Variants in SIK3 observed in about 807,000 individuals in gnomAD.
The protein encoded by SIK3 is SIK family kinase 3, also known as serine/threonine-protein kinase SIK3.
In SIK3, 28 loss-of-function variants were observed where a neutral mutation model predicts 144.2. The observed-to-expected ratio is 0.19, with a 90% CI of 0.14 to 0.27. SIK3 has a LOEUF of 0.27. Among genes scored for constraint, SIK3 ranks in the 10% least tolerant of loss-of-function variants. The pLI is 1.00. For synonymous variants in SIK3, 686 were observed against 676.3 expected, an observed-to-expected ratio of 1.01 and a Z score of -0.22; for missense variants, 1,319 against 1,776.0, an observed-to-expected ratio of 0.74 and a Z score of 4.62.
rs865806428 is a variant in SIK3 at position 117,075,547 on chromosome 11, T to C, written c.273+22596A>G. 7.2e-4 allele frequency among the ~76,000 whole-genome samples: 46 copies of C among 63,780 alleles called. No homozygotes were observed. In the African/African-American group the frequency reaches 0.012, roughly 17 times the overall value. The allele number at this position is 63,780 out of a possible 152,430, so 41.8% of individuals were successfully genotyped here. ...CTATGTTATTGATTATTTTTTTTTC[T>C]TTTTTTTTTTTTTTGAGGAATCTCA... On this transcript the variant is annotated intron_variant, in intron 1 of 24. Coordinates refer to ENST00000445177, the MANE Select transcript of SIK3 (RefSeq NM_001366686.3).
chr11:116,928,228 A>G (rs2135140081), intron 3 of SIK3, among the ~76,000 whole-genome samples: 1 of 152,364 alleles, frequency 6.6e-6, no homozygotes, highest in Non-Finnish European at 1.5e-5. Flanking sequence ...TAATAGCAGT[A>G]GGTTTATACC....
chr11:117,019,009 C>G (rs1227629733), intron 1 of SIK3, among the ~76,000 whole-genome samples: 1 of 149,204 alleles, frequency 6.7e-6, no homozygotes, highest in Non-Finnish European at 1.5e-5. Flanking sequence ...CTGCACCTGG[C>G]TTTTATTGTA....
intron 1 of SIK3, among the ~76,000 whole-genome samples, chr11:117,066,534 C>CT (rs34259048): frequency 0.25 from 32,826 of 130,920 alleles, 5,114 homozygotes; most frequent in African/African-American, 0.45. Context: ...AGAAACAATC[C>CT]TTTTTTTTTT....
chr11:116,960,779 T>A (rs1051388623), intron 1 of SIK3, among the ~76,000 whole-genome samples: 8 of 150,886 alleles, frequency 5.3e-5, no homozygotes, highest in Admixed American at 6.6e-5. Flanking sequence ...ATTAATATAA[T>A]GCCTGGCACA....
intron 1 of SIK3, among the ~76,000 whole-genome samples, chr11:117,046,785 TG>T (rs1412685378): frequency 6.6e-6 from 1 of 151,992 alleles, no homozygotes; most frequent in Admixed American, 6.6e-5. Flanking sequence ...GAGGCTGAGG[TG>T]GGAGGATTGC....
intron 3 of SIK3, among the ~76,000 whole-genome samples, chr11:116,940,230 T>C (rs925022168): frequency 6.7e-6 from 1 of 148,872 alleles, no homozygotes; most frequent in Non-Finnish European, 1.5e-5. Context: ...AAGGTTTTTT[T>C]GTTTTTTTTT....
At chr11:116,898,759 T>G (rs1230067055) in intron 4 of SIK3, among the ~76,000 whole-genome samples, 1 of 151,734 alleles carries the variant, frequency 6.6e-6, no homozygotes, top group Non-Finnish European at 1.5e-5. Flanking sequence ...GTTTTTTGGC[T>G]GCATAAATGT....
chr11:117,014,296 G>A (rs1009733356), intron 1 of SIK3, among the ~76,000 whole-genome samples: 5 of 151,760 alleles, frequency 3.3e-5, no homozygotes, highest in African/African-American at 9.7e-5. Context: ...ATAAATATTT[G>A]TTTACTAATT....
chr11:117,055,502 GTC>G (rs1345067607), intron 1 of SIK3, among the ~76,000 whole-genome samples: 1 of 152,216 alleles, frequency 6.6e-6, no homozygotes, highest in Non-Finnish European at 1.5e-5. Flanking sequence ...TCAAATCCTG[GTC>G]TCTCTGGTTT....
rs765688452 is a variant in SIK3 at position 117,044,719 on chromosome 11, A to AT, written c.273+53423_273+53424insA. 5.3e-5 allele frequency among the ~76,000 whole-genome samples: 8 copies of AT among 152,298 alleles called. No individual in the cohort carries two copies. The East Asian group carries it at 1.5e-3, about 29-fold the overall frequency. On this transcript the variant is annotated intron_variant, in intron 1 of 24. Transcript: ENST00000445177. ...AACATAGGGAGACCCCGTCTTTATA[A>AT]AAAGTAAAAAAAGAAATTAGCCAGA...
intron 4 of SIK3, among the ~76,000 whole-genome samples, chr11:116,923,775 T>A (rs1947131544): frequency 6.6e-6 from 1 of 152,220 alleles, no homozygotes. Context: ...AGCCCAAGGC[T>A]GGCTGCCAGC....
intron 12 of SIK3, 91 bp downstream of exon 12, chr11:116,873,812 C>T (rs1944096063): frequency 6.6e-7 from 1 of 1,510,656 alleles, no homozygotes; most frequent in African/African-American, 1.4e-5. Context: ...TATAAGTAAA[C>T]CCTTAAGTCC....
chr11:116,876,704 C>A (rs551071642), intron 7 of SIK3, among the ~76,000 whole-genome samples: 4 of 152,322 alleles, frequency 2.6e-5, no homozygotes, highest in South Asian at 4.1e-4. Flanking sequence ...CAAAAACAGA[C>A]GATAATTTGG....
At chr11:116,977,625 TA>T (rs1394317014) in intron 1 of SIK3, among the ~76,000 whole-genome samples, 13 of 152,180 alleles carry the variant, frequency 8.5e-5, no homozygotes, top group African/African-American at 3.1e-4. Context: ...AGGCTAGGGC[TA>T]GGGGCAAAAG....
intron 4 of SIK3, among the ~76,000 whole-genome samples, chr11:116,914,890 A>G (rs1415965809): frequency 1.3e-5 from 2 of 152,230 alleles, no homozygotes; most frequent in Non-Finnish European, 2.9e-5. Context: ...CCCGGGAAAG[A>G]AATTTTAAAA....
chr11:117,091,200 CTTTTTTTTTTTTTT>C (rs386375011), intron 1 of SIK3, among the ~76,000 whole-genome samples: 1 of 93,008 alleles, frequency 1.1e-5, no homozygotes, highest in South Asian at 4.0e-4. Flanking sequence ...TTTTTTTTTT[CTTTTTTTTTTTTTT>C]TTTTTTTGAG....
intron 1 of SIK3, among the ~76,000 whole-genome samples, chr11:116,980,317 T>C (rs1950094243): frequency 6.6e-6 from 1 of 152,100 alleles, no homozygotes; most frequent in Admixed American, 6.6e-5. Context: ...TGTTTCTGGT[T>C]GGTTCGGTAA....
intron 1 of SIK3, among the ~76,000 whole-genome samples, chr11:116,983,200 C>T (rs1368712520): frequency 6.7e-6 from 1 of 148,590 alleles, no homozygotes; most frequent in Non-Finnish European, 1.5e-5. Flanking sequence ...GCACACCAGC[C>T]TGGGCGACAG....
intron 16 of SIK3, among the ~76,000 whole-genome samples, chr11:116,863,383 T>C (rs1943455187): frequency 6.6e-6 from 1 of 152,116 alleles, no homozygotes. Context: ...CAGGAGTAGC[T>C]GGGACTATGC....
Sources: gnomAD v4.1 joint callset for allele counts (sites outside exome capture counted in the v4.1 genomes callset) on GRCh38, gnomAD v4.1.1 for gene constraint, MANE v1.5 for transcripts, NCBI Gene and HGNC (gene_info 2026-07-23, HGNC 2026-07-21) for gene names.